Variants in EVI5 observed in about 807,000 individuals in gnomAD.
EVI5 encodes the protein ecotropic viral integration site 5, also known as ecotropic viral integration site 5 protein homolog.
Under a neutral mutation model 112.0 loss-of-function variants are expected in EVI5, and 73 were observed. The observed-to-expected ratio is 0.65, with a 90% CI of 0.54 to 0.79. The LOEUF (loss-of-function observed/expected upper bound fraction) is 0.79, where lower values mean the gene tolerates loss of function less well. Among genes scored for constraint, EVI5 ranks in the 30% least tolerant of loss-of-function variants. EVI5 has a pLI of 0.00. For missense variants in EVI5, 900 were observed against 968.8 expected (o/e 0.93, Z 0.94); for synonymous variants, 305 against 319.9 (o/e 0.95, Z 0.50).
intron 19 of EVI5, among the ~76,000 whole-genome samples, chr1:92,518,744 A>C (rs1016018786): frequency 1.4e-4 from 21 of 152,272 alleles, no homozygotes; most frequent in African/African-American, 5.1e-4. Context: ...AGTGTCCAGG[A>C]CAGTGGATCA....
At chr1:92,722,270 T>C (rs2102703977) in intron 2 of EVI5, among the ~76,000 whole-genome samples, 1 of 152,296 alleles carries the variant, frequency 6.6e-6, no homozygotes, top group African/African-American at 2.4e-5. Context: ...TTATTCCTCT[T>C]ATCTAACTGA....
At chr1:92,556,923 G>A (rs1667765510) in intron 19 of EVI5, among the ~76,000 whole-genome samples, 1 of 151,528 alleles carries the variant, frequency 6.6e-6, no homozygotes, top group Admixed American at 6.6e-5. Context: ...CAAGCCTCCT[G>A]CCTCAGTCTC....
At chr1:92,670,970 T>A (rs1345269188) in intron 10 of EVI5, among the ~76,000 whole-genome samples, 1 of 152,136 alleles carries the variant, frequency 6.6e-6, no homozygotes, top group South Asian at 2.1e-4. Flanking sequence ...TCCCCCATTC[T>A]TAATGATAAA....
intron 9 of EVI5, among the ~76,000 whole-genome samples, chr1:92,680,559 A>G (rs1253573904): frequency 6.6e-6 from 1 of 152,166 alleles, no homozygotes; most frequent in Non-Finnish European, 1.5e-5. Flanking sequence ...AATGGATATA[A>G]AACTGGTATG....
intron 14 of EVI5, among the ~76,000 whole-genome samples, chr1:92,629,621 G>A (rs1411813087): frequency 6.6e-6 from 1 of 151,962 alleles, no homozygotes; most frequent in East Asian, 1.9e-4. Context: ...GTTCTAGATT[G>A]GACAGTTCTA....
At chr1:92,536,826 G>A (rs1213802185) in intron 19 of EVI5, among the ~76,000 whole-genome samples, 1 of 152,092 alleles carries the variant, frequency 6.6e-6, no homozygotes, top group African/African-American at 2.4e-5. Context: ...CACATCATAG[G>A]ACACTGGTAA....
upstream of EVI5, among the ~76,000 whole-genome samples, chr1:92,785,442 G>T (rs1169743546): frequency 6.6e-6 from 1 of 152,228 alleles, no homozygotes; most frequent in Non-Finnish European, 1.5e-5. Flanking sequence ...TGACTTTCAG[G>T]GCCCTGGCAC....
chr1:92,644,722 C>T (rs1660624812), intron 13 of EVI5, among the ~76,000 whole-genome samples: 1 of 152,092 alleles, frequency 6.6e-6, no homozygotes, highest in Non-Finnish European at 1.5e-5. Context: ...GATATTGTGT[C>T]TTCATTTTCA....
At chr1:92,771,863 TA>T (rs1558237083) in intron 1 of EVI5, among the ~76,000 whole-genome samples, 1 of 151,820 alleles carries the variant, frequency 6.6e-6, no homozygotes, top group Non-Finnish European at 1.5e-5. Flanking sequence ...CTCTTTTTAT[TA>T]TTTTTTTTGA....
chr1:92,570,048 T>A (rs1670090629), intron 18 of EVI5, among the ~76,000 whole-genome samples: 1 of 150,014 alleles, frequency 6.7e-6, no homozygotes, highest in Non-Finnish European at 1.5e-5. Flanking sequence ...AAGGATGACA[T>A]CAAACAGAGA....
intron 19 of EVI5, among the ~76,000 whole-genome samples, chr1:92,516,876 C>G (rs866493122): frequency 4.4e-4 from 44 of 98,882 alleles, no homozygotes; most frequent in Middle Eastern, 4.5e-3. Flanking sequence ...CCAACTCTCC[C>G]TTTCCTCCAA....
At chr1:92,520,575 G>A (rs1660735248) in intron 19 of EVI5, among the ~76,000 whole-genome samples, 1 of 152,100 alleles carries the variant, frequency 6.6e-6, no homozygotes, top group Non-Finnish European at 1.5e-5. Flanking sequence ...TAGCGGCCAG[G>A]CATGGTGGCT....
chr1:92,550,799 T>TATAC (rs1666758279), intron 19 of EVI5, among the ~76,000 whole-genome samples: 1 of 92,276 alleles, frequency 1.1e-5, no homozygotes, highest in African/African-American at 4.8e-5. Context: ...TATATATATA[T>TATAC]ATATATATAT....
intron 19 of EVI5, among the ~76,000 whole-genome samples, chr1:92,530,431 G>A (rs1662671671): frequency 2.6e-5 from 4 of 152,086 alleles, no homozygotes; most frequent in Non-Finnish European, 4.4e-5. Context: ...CAGCGTTCGA[G>A]CTCTGATAAG....
intron 1 of EVI5, among the ~76,000 whole-genome samples, chr1:92,783,477 C>A: frequency 1.1e-5 from 1 of 88,790 alleles, no homozygotes; most frequent in African/African-American, 4.3e-5. Context: ...GAGTGAGACT[C>A]AGCCTTAAAA....
chr1:92,551,512 A>G (rs1413380393), intron 19 of EVI5, among the ~76,000 whole-genome samples: 1 of 152,246 alleles, frequency 6.6e-6, no homozygotes, highest in Admixed American at 6.5e-5. Flanking sequence ...ACAAGATTTT[A>G]AAACTGTAGC....
intron 1 of EVI5, among the ~76,000 whole-genome samples, chr1:92,791,142 AC>A (rs1351606557): frequency 6.6e-6 from 1 of 152,356 alleles, no homozygotes; most frequent in African/African-American, 2.4e-5. Context: ...TTTCTAGCCT[AC>A]CCACCAAAAG....
intron 19 of EVI5, among the ~76,000 whole-genome samples, chr1:92,525,768 C>T (rs1174838527): frequency 2.6e-5 from 4 of 152,120 alleles, no homozygotes; most frequent in African/African-American, 9.7e-5. Context: ...ATTATTATAC[C>T]ATCAGTTTAC....
intron 15 of EVI5, among the ~76,000 whole-genome samples, chr1:92,625,418 T>C (rs1294515764): frequency 6.6e-6 from 1 of 152,180 alleles, no homozygotes; most frequent in East Asian, 1.9e-4. Context: ...AATTTATACA[T>C]TAAATTTATA....
Sources: gnomAD v4.1 joint callset for allele counts (sites outside exome capture counted in the v4.1 genomes callset) on GRCh38, gnomAD v4.1.1 for gene constraint, MANE v1.5 for transcripts, NCBI Gene and HGNC (gene_info 2026-07-23, HGNC 2026-07-21) for gene names.